CDC34: variants seen among roughly 807,000 people sequenced by gnomAD.
The protein encoded by CDC34 is ubiquitin-conjugating enzyme E2 R1.
Under a neutral mutation model 26.8 loss-of-function variants are expected in CDC34, and 18 were observed. The observed-to-expected ratio is 0.67, with a 90% CI of 0.47 to 1.00. The LOEUF (loss-of-function observed/expected upper bound fraction) is 1.00, where lower values mean the gene tolerates loss of function less well. CDC34 is among the 50% of genes least tolerant of loss of function. The pLI, the probability that CDC34 is intolerant of heterozygous loss-of-function variation, is 0.00. For synonymous variants in CDC34, 178 were observed against 147.5 expected (o/e 1.21, Z -1.50); for missense variants, 280 against 334.5 (o/e 0.84, Z 1.27).
At chr19:539,707 G>A (rs1466296030) in intron 4 of CDC34, among the ~76,000 whole-genome samples, 3 of 152,172 alleles carry the variant, frequency 2.0e-5, no homozygotes, top group Admixed American at 6.5e-5. Context: ...CATTGCCTGC[G>A]GCTGCAGCCT....
At chr19:533,961 C>T (rs1208539243) in intron 1 of CDC34, among the ~76,000 whole-genome samples, 15 of 152,216 alleles carry the variant, frequency 9.9e-5, no homozygotes. Context: ...AAAGTGAGCC[C>T]TGGGGCAGGG....
In CDC34 at chr19:534,085, T is replaced by C. The variant is rs555627646; in HGVS notation, c.178-1752T>C. Among the ~76,000 whole-genome samples the C allele has an allele frequency of 3.9e-5, 6 of 152,270 alleles. No homozygotes were observed. In the South Asian group the frequency reaches 8.3e-4, roughly 21 times the overall value. ...AAGACATTCTTAGAGGTGCCCAAAA[T>C]AAGAGGCTCATTGGGACTTGGTGGG... On this transcript the variant is annotated intron_variant, in intron 1 of 4. Transcript: ENST00000215574.
At position 533,025 on chromosome 19, in the gene CDC34, TTTG is replaced by T. The variant is rs200041545; in HGVS notation, c.177+927_177+929del. 4.9e-3 allele frequency among the ~76,000 whole-genome samples: 739 copies of T among 152,256 alleles called. 9 individuals carry two copies. Among genetic ancestry groups the T allele is most frequent in the East Asian group, 0.045 (234 of 5,182 alleles). On this transcript the variant is annotated intron_variant, in intron 1 of 4. Transcript: ENST00000215574. ...TAATTCCAAGCAGTTTCTGGATGTT[TTTG>T]TTGTTGTTGGGAGCGGGGAGGCTGT...
intron 1 of CDC34, among the ~76,000 whole-genome samples, chr19:534,936 C>T (rs183386877): frequency 3.7e-4 from 56 of 152,308 alleles, no homozygotes; most frequent in African/African-American, 9.9e-4. Flanking sequence ...CCACCACGAT[C>T]GCTCTGGGGG....
chr19:541,284 G>A, intron 4 of CDC34, 55 bp from the exon 5 acceptor site: 1 of 1,471,020 alleles, frequency 6.8e-7, no homozygotes, highest in Non-Finnish European at 9.0e-7. Flanking sequence ...GGGGGGCCGG[G>A]CAGGGGCCGA....
rs567734162 is a variant in CDC34 at position 534,366 on chromosome 19, A to G, written c.178-1471A>G. Among the ~76,000 whole-genome samples the G allele has an allele frequency of 4.4e-3, 589 of 132,488 alleles. 2 individuals are homozygous for G. Among genetic ancestry groups the G allele is most frequent in the African/African-American group, 0.015 (542 of 35,434 alleles). 86.9% of individuals were successfully genotyped at this position (132,488 alleles called of 152,430 possible). A position where few individuals can be genotyped will look rare whatever the true frequency, so the allele number is the denominator to read the frequency against. ...GCCCGTCCACGATCCAAGACCCCCA[A>G]AGTGCCCTGCCTGTCCGGGAGGGGC... On this transcript the variant is annotated intron_variant, in intron 1 of 4. Transcript: ENST00000215574.
rs746640795 is a variant in CDC34, at chr19:537,037, C to G, written c.387C>G (p.Ser129=). The change falls in exon 4 of 5, where the codon TCC becomes TCG. Residue 129 remains serine, a synonymous_variant. Coordinates refer to ENST00000215574, the MANE Select transcript of CDC34 (RefSeq NM_004359.2). ...NVRTILLSVI[S]LLNEPNTFSP... ...GGACCATTCTCCTGAGTGTGATCTC[C>G]CTCCTGAACGAGCCCAACACCTTCT... is the stretch of plus-strand genomic sequence containing the variant. The G allele has an allele frequency of 6.2e-7, 1 of 1,613,840 alleles. No individual in the cohort carries two copies. The highest frequency in any genetic ancestry group is 1.7e-5 in the Admixed American group (1 of 60,032).
At chr19:536,177 G>A (rs1446578220) in intron 2 of CDC34, 66 bp from the exon 3 acceptor site, 2 of 1,324,344 alleles carry the variant, frequency 1.5e-6, no homozygotes, top group Non-Finnish European at 2.1e-6. Context: ...TCATCCTCCG[G>A]GACCTGGGGC....
At chr19:533,796 C>T (rs1037857612) in intron 1 of CDC34, among the ~76,000 whole-genome samples, 5 of 152,344 alleles carry the variant, frequency 3.3e-5, no homozygotes, top group African/African-American at 1.2e-4. Flanking sequence ...TCCTCAGAAG[C>T]CAGTGTTGAG....
chr19:532,924 C>G (rs1010482961), intron 1 of CDC34, among the ~76,000 whole-genome samples: 6 of 152,242 alleles, frequency 3.9e-5, no homozygotes. Context: ...TGGCCTTTCT[C>G]AGAGTCCACT....
intron 4 of CDC34, among the ~76,000 whole-genome samples, chr19:538,295 G>A (rs911852293): frequency 1.2e-4 from 18 of 152,142 alleles, no homozygotes; most frequent in African/African-American, 3.4e-4. Context: ...GCCTACCGGC[G>A]CCTTCTGTAC....
intron 1 of CDC34, among the ~76,000 whole-genome samples, chr19:533,113 T>C (rs1381498198): frequency 2.0e-5 from 3 of 152,156 alleles, no homozygotes; most frequent in Non-Finnish European, 2.9e-5. Flanking sequence ...GATCTCACGA[T>C]CCAGACGTGA....
chr19:539,851 C>T (rs1979930677), intron 4 of CDC34, among the ~76,000 whole-genome samples: 1 of 152,220 alleles, frequency 6.6e-6, no homozygotes, highest in Non-Finnish European at 1.5e-5. Context: ...GGGCAGGTTC[C>T]TCGTAGGTCC....
chr19:535,763 C>A, intron 1 of CDC34, 74 bp from the exon 2 acceptor site: 3 of 1,155,226 alleles, frequency 2.6e-6, no homozygotes, highest in Non-Finnish European at 3.9e-6. Flanking sequence ...AGTGGGATGG[C>A]CTTGGGCACC....
chr19:538,813 C>G (rs1413351798), intron 4 of CDC34: 2 of 985,138 alleles, frequency 2.0e-6, no homozygotes, highest in South Asian at 4.7e-5. Flanking sequence ...CGTGCGGCCT[C>G]CTGGGAAGTG....
chr19:540,085 C>G lies in CDC34; in HGVS notation c.498-1254C>G, dbSNP rs1374131129. ...CGGAGGCCGGGGTGGCCAGGCCCCC[C>G]AGGTTTAGAATCCGGAGGCCGGGGT... On this transcript the variant is annotated intron_variant, in intron 4 of 4. Transcript: ENST00000215574. Among the ~76,000 whole-genome samples the G allele has an allele frequency of 9.1e-4, 92 of 101,508 alleles. 1 individual carries two copies. The highest frequency in any genetic ancestry group is 2.8e-3 in the African/African-American group (91 of 32,394). 66.6% of individuals were successfully genotyped at this position (101,508 alleles called of 152,430 possible).
chr19:532,214 C>A, intron 1 of CDC34, 106 bp downstream of exon 1: 2 of 905,808 alleles, frequency 2.2e-6, no homozygotes, highest in Non-Finnish European at 3.1e-6. Context: ...GGGCGGGCCC[C>A]GAAGCCTCCT....
chr19:532,156 C>T (rs1156583234), intron 1 of CDC34, 48 bp downstream of exon 1: 1 of 1,420,508 alleles, frequency 7.0e-7, no homozygotes. Flanking sequence ...CGAGCGACCT[C>T]GGGCGCCGGG....
Position 541,881 on chromosome 19 carries a change from G to A in CDC34, c.*329G>A, listed in dbSNP as rs1019263156. The A allele has an allele frequency of 5.4e-5, 11 of 201,998 alleles. No individual in the cohort carries two copies. Among genetic ancestry groups the A allele is most frequent in the Non-Finnish European group, 1.0e-4 (10 of 99,916 alleles). The allele number at this position is 201,998 out of a possible 1,614,324, so 12.5% of individuals were successfully genotyped here. A position where few individuals can be genotyped will look rare whatever the true frequency, so the allele number is the denominator to read the frequency against. ...ACTGGCCGCACCCCGGAGGAGCCAC[G>A]GGGGCGCTGCTGGGAACGTGGGCGG... On this transcript the variant is annotated 3_prime_UTR_variant, in exon 5 of 5. Coordinates refer to ENST00000215574, the MANE Select transcript of CDC34 (RefSeq NM_004359.2).
Sources: gnomAD v4.1 joint callset for allele counts (sites outside exome capture counted in the v4.1 genomes callset) on GRCh38, gnomAD v4.1.1 for gene constraint, MANE v1.5 for transcripts, NCBI Gene and HGNC (gene_info 2026-07-23, HGNC 2026-07-21) for gene names.